TMEM132B: variants seen among roughly 807,000 people sequenced by gnomAD.
The protein encoded by TMEM132B is transmembrane protein 132B.
TMEM132B carries 18 observed loss-of-function variants against 90.8 expected under a neutral mutation model. The ratio of observed to expected loss-of-function variants is 0.20; its 90% confidence interval spans 0.14 to 0.29. The LOEUF (loss-of-function observed/expected upper bound fraction) is 0.29, where lower values mean the gene tolerates loss of function less well. TMEM132B is among the 10% of genes least tolerant of loss of function. The pLI is 1.00. For synonymous variants in TMEM132B, 504 were observed against 523.3 expected (o/e 0.96, Z 0.50); for missense variants, 1,096 against 1,326.8 (o/e 0.83, Z 2.70).
chr12:125,517,220 G>A (rs1481595195), intron 3 of TMEM132B, among the ~76,000 whole-genome samples: 1 of 151,354 alleles, frequency 6.6e-6, no homozygotes, highest in African/African-American at 2.4e-5. Flanking sequence ...GAGTGCAGCG[G>A]TGTGATCTCA....
At chr12:125,253,688 C>T (rs1481469260) in intron 1 of TMEM132B, among the ~76,000 whole-genome samples, 1 of 152,198 alleles carries the variant, frequency 6.6e-6, no homozygotes, top group African/African-American at 2.4e-5. Flanking sequence ...CCTGCCTCAG[C>T]CTTCCCAAAT....
In TMEM132B at chr12:125,584,678, G is replaced by A. The variant is rs1885138116; in HGVS notation, c.1437+684G>A. The A allele has an allele frequency of 2.0e-5, 3 of 152,312 alleles. No individual in the cohort carries two copies. In the South Asian group the frequency reaches 6.2e-4, roughly 32 times the overall value. The allele number at this position is 152,312 out of a possible 1,614,324, so 9.4% of individuals were successfully genotyped here. ...TCTGCTAGATTCTTCACTCAAATTAGCTATGTTTCTGACTCCAAATTCTGC... is the reference window on the plus strand; with the variant it reads ...TCTGCTAGATTCTTCACTCAAATTAACTATGTTTCTGACTCCAAATTCTGC... On this transcript the variant is annotated intron_variant, in intron 5 of 8. Transcript: ENST00000682704.
chr12:125,280,557 C>T (rs544073615), intron 1 of TMEM132B, among the ~76,000 whole-genome samples: 17 of 152,250 alleles, frequency 1.1e-4, no homozygotes, highest in Non-Finnish European at 2.4e-4. Flanking sequence ...CCCTGCCTCC[C>T]TCCCCTGGAC....
chr12:125,266,020 G>T (rs902195049), intron 1 of TMEM132B, among the ~76,000 whole-genome samples: 2 of 152,126 alleles, frequency 1.3e-5, no homozygotes, highest in Non-Finnish European at 2.9e-5. Flanking sequence ...CCTGAGGTCA[G>T]GAGTTCAAGA....
At chr12:125,622,587 T>G (rs1335908630) in intron 5 of TMEM132B, 2 of 985,394 alleles carry the variant, frequency 2.0e-6, no homozygotes, top group African/African-American at 3.5e-5. Context: ...CTGACTGTGT[T>G]CTTATTTGCT....
intron 4 of TMEM132B, among the ~76,000 whole-genome samples, chr12:125,554,744 C>A (rs1402332503): frequency 6.6e-6 from 1 of 152,158 alleles, no homozygotes; most frequent in Non-Finnish European, 1.5e-5. Context: ...CTCTTGGTTG[C>A]ATGTCTATAG....
intron 1 of TMEM132B, among the ~76,000 whole-genome samples, chr12:125,201,867 A>G (rs1354351572): frequency 6.6e-6 from 1 of 152,124 alleles, no homozygotes; most frequent in Non-Finnish European, 1.5e-5. Context: ...AACACCTACT[A>G]TGTGCCCTGG....
intron 4 of TMEM132B, among the ~76,000 whole-genome samples, chr12:125,559,785 A>G (rs1352343309): frequency 1.3e-5 from 2 of 152,156 alleles, no homozygotes; most frequent in Non-Finnish European, 2.9e-5. Context: ...TGCCATGTGC[A>G]GGAAGGCTGG....
chr12:125,509,612 G>T (rs1256137050), intron 3 of TMEM132B, among the ~76,000 whole-genome samples: 1 of 152,120 alleles, frequency 6.6e-6, no homozygotes, highest in Non-Finnish European at 1.5e-5. Context: ...GAATAACTTG[G>T]GTTGGCTGCG....
At chr12:125,563,598 C>CAAACAAAAA (rs774597550) in intron 4 of TMEM132B, among the ~76,000 whole-genome samples, 1 of 150,296 alleles carries the variant, frequency 6.7e-6, no homozygotes, top group African/African-American at 2.5e-5. Flanking sequence ...AACAAACAAA[C>CAAACAAAAA]AAAAAAAAAC....
chr12:125,243,292 G>A (rs374624884), intron 1 of TMEM132B, among the ~76,000 whole-genome samples: 20 of 149,824 alleles, frequency 1.3e-4, no homozygotes, highest in African/African-American at 3.7e-4. Flanking sequence ...ACAGGCACCC[G>A]CCACCATGGC....
Position 125,522,595 on chromosome 12 carries a change from C to G in TMEM132B, c.1293+2970C>G, listed in dbSNP as rs538972932. ...GTAGAGCTTGATGGGAATCTGTCCTCTGTAGTGCTAGGGACAGCTGTTCAC... is the reference window on the plus strand; with the variant it reads ...GTAGAGCTTGATGGGAATCTGTCCTGTGTAGTGCTAGGGACAGCTGTTCAC... On this transcript the variant is annotated intron_variant, in intron 4 of 8. Transcript: ENST00000682704. 5.9e-5 allele frequency among the ~76,000 whole-genome samples: 9 copies of G among 152,340 alleles called. No individual in the cohort carries two copies. In the South Asian group the frequency reaches 1.0e-3, roughly 18 times the overall value.
intron 3 of TMEM132B, among the ~76,000 whole-genome samples, chr12:125,419,823 C>T (rs1880121735): frequency 6.6e-6 from 1 of 152,182 alleles, no homozygotes; most frequent in African/African-American, 2.4e-5. Context: ...TTCCTAGATA[C>T]AATGAGGGTA....
chr12:125,306,718 T>G lies in TMEM132B; in HGVS notation c.68-42734T>G, dbSNP rs1335908759. Among the ~76,000 whole-genome samples the G allele has an allele frequency of 3.3e-5, 5 of 152,222 alleles. 1 individual carries two copies. Among genetic ancestry groups the G allele is most frequent in the Non-Finnish European group, 7.3e-5 (5 of 68,040 alleles). ...TGCAGTGGCCTCCTCCTTTGTCCCT[T>G]CTCAATCCTTTCTTCCCACAACAAC... is the stretch of plus-strand genomic sequence containing the variant. On this transcript the variant is annotated intron_variant, in intron 1 of 8. Coordinates refer to ENST00000682704, the MANE Select transcript of TMEM132B (RefSeq NM_001366854.1).
chr12:125,527,371 T>A (rs1164907098), intron 4 of TMEM132B, among the ~76,000 whole-genome samples: 28 of 72,366 alleles, frequency 3.9e-4, no homozygotes, highest in African/African-American at 1.4e-3. Flanking sequence ...CCATCCACCC[T>A]CCACTCTTCC....
At chr12:125,316,327 G>A (rs1032697972) in intron 1 of TMEM132B, among the ~76,000 whole-genome samples, 1 of 152,152 alleles carries the variant, frequency 6.6e-6, no homozygotes, top group African/African-American at 2.4e-5. Flanking sequence ...AGCTCCTGGT[G>A]GGGGGCGGGA....
chr12:125,227,822 T>G (rs1565979138), intron 1 of TMEM132B, among the ~76,000 whole-genome samples: 1 of 152,054 alleles, frequency 6.6e-6, no homozygotes, highest in Non-Finnish European at 1.5e-5. Flanking sequence ...GTACCAGGAA[T>G]GAATGACCTC....
At chr12:125,272,020 G>T (rs941642334) in intron 1 of TMEM132B, among the ~76,000 whole-genome samples, 14 of 152,122 alleles carry the variant, frequency 9.2e-5, no homozygotes, top group African/African-American at 3.1e-4. Context: ...GCTAGATACC[G>T]CGGCTTGCCA....
intron 1 of TMEM132B, among the ~76,000 whole-genome samples, chr12:125,258,852 G>C (rs1268068441): frequency 6.6e-6 from 1 of 152,208 alleles, no homozygotes; most frequent in Non-Finnish European, 1.5e-5. Context: ...ATCAGCAAAG[G>C]CCTCTCTGCA....
Sources: allele counts gnomAD v4.1 joint callset (sites outside exome capture counted in the v4.1 genomes callset), GRCh38; gene constraint gnomAD v4.1.1; transcripts MANE v1.5; gene names NCBI Gene and HGNC (gene_info 2026-07-23, HGNC 2026-07-21).